ADAM18: variants seen among roughly 807,000 people sequenced by gnomAD.
ADAM18 encodes ADAM metallopeptidase domain 18.
A neutral mutation model predicts 94.4 loss-of-function variants in ADAM18; 117 were observed. The observed-to-expected ratio is 1.24, with a 90% CI of 1.07 to 1.45. The LOEUF (loss-of-function observed/expected upper bound fraction) is 1.45, where lower values mean the gene tolerates loss of function less well. Among genes scored for constraint, ADAM18 ranks in the 40% most tolerant of loss-of-function variants. The probability of loss-of-function intolerance (pLI) is 0.00; values close to 1 mark genes in which losing one functional copy is unlikely to be tolerated. For missense variants in ADAM18, 936 were observed against 880.0 expected, an observed-to-expected ratio of 1.06 and a Z score of -0.81; for synonymous variants, 327 against 291.6, an observed-to-expected ratio of 1.12 and a Z score of -1.24.
At chr8:39,682,468 C>T (rs1403500252) in intron 16 of ADAM18, among the ~76,000 whole-genome samples, 1 of 152,032 alleles carries the variant, frequency 6.6e-6, no homozygotes, top group Non-Finnish European at 1.5e-5. Context: ...GCTACCTTTC[C>T]TGAAAAAGGA....
intron 6 of ADAM18, among the ~76,000 whole-genome samples, chr8:39,616,475 C>T (rs1181798174): frequency 6.6e-6 from 1 of 152,104 alleles, no homozygotes; most frequent in Non-Finnish European, 1.5e-5. Flanking sequence ...AATGCTATTC[C>T]TATCAAACAA....
At chr8:39,723,717 C>A in intron 18 of ADAM18, 31 bp from the exon 19 acceptor site, 1 of 1,383,906 alleles carries the variant, frequency 7.2e-7, no homozygotes, top group Non-Finnish European at 9.6e-7. Flanking sequence ...CCACTGAGTC[C>A]CCACTAATTT....
chr8:39,645,112 C>A (rs1045655656), intron 10 of ADAM18, among the ~76,000 whole-genome samples: 1 of 152,006 alleles, frequency 6.6e-6, no homozygotes. Context: ...AGAATTTTGG[C>A]GTGCAAAATT....
intron 6 of ADAM18, among the ~76,000 whole-genome samples, chr8:39,625,587 G>A (rs1183493793): frequency 6.6e-6 from 1 of 152,044 alleles, no homozygotes; most frequent in Non-Finnish European, 1.5e-5. Context: ...AATAGAAGTA[G>A]TGAAAGTATC....
chr8:39,712,922 A>C (rs976590884), intron 18 of ADAM18, among the ~76,000 whole-genome samples: 1 of 152,208 alleles, frequency 6.6e-6, no homozygotes, highest in Non-Finnish European at 1.5e-5. Flanking sequence ...GTTTCTTCAC[A>C]GAATTGGAAA....
At chr8:39,622,019 A>G (rs1208180261) in intron 6 of ADAM18, among the ~76,000 whole-genome samples, 1 of 152,160 alleles carries the variant, frequency 6.6e-6, no homozygotes, top group African/African-American at 2.4e-5. Context: ...GCAGCAAACC[A>G]CCATGGCACA....
chr8:39,606,443 A>G (rs941602422), intron 3 of ADAM18, 81 bp downstream of exon 3: 9 of 882,528 alleles, frequency 1.0e-5, no homozygotes, highest in Non-Finnish European at 1.4e-5. Flanking sequence ...TTTGTGCAGT[A>G]TTTAAATTCA....
chr8:39,638,088 T>G (rs950025209), intron 9 of ADAM18, among the ~76,000 whole-genome samples: 1 of 151,860 alleles, frequency 6.6e-6, no homozygotes, highest in African/African-American at 2.4e-5. Context: ...GGGTTTTTTT[T>G]AATATTTAAT....
chr8:39,586,245 G>A (rs1818387796), intron 2 of ADAM18, among the ~76,000 whole-genome samples: 1 of 152,118 alleles, frequency 6.6e-6, no homozygotes, highest in African/African-American at 2.4e-5. Context: ...TTTTAGAGAA[G>A]TTGGAAAGGA....
intron 2 of ADAM18, among the ~76,000 whole-genome samples, chr8:39,587,673 TGAACTCAAGTGATACACCA>T (rs1385526391): frequency 3.3e-5 from 5 of 152,272 alleles, no homozygotes; most frequent in African/African-American, 1.2e-4. Context: ...CTTGAACTCC[TGAACTCAAGTGATACACCA>T]GACTCGGCCT....
chr8:39,617,303 C>T (rs1819471087), intron 6 of ADAM18, among the ~76,000 whole-genome samples: 1 of 152,140 alleles, frequency 6.6e-6, no homozygotes, highest in Non-Finnish European at 1.5e-5. Context: ...GATACCATTC[C>T]ACACCAGTTA....
intron 18 of ADAM18, 91 bp downstream of exon 18, chr8:39,706,995 C>A: frequency 1.4e-6 from 1 of 699,884 alleles, no homozygotes; most frequent in Non-Finnish European, 2.4e-6. Flanking sequence ...ATGGTAGCTT[C>A]ATCTACATTG....
At position 39,609,060 on chromosome 8, in the gene ADAM18, C is replaced by G; in HGVS notation, c.207C>G (p.Asn69Lys). 6.3e-7 allele frequency: 1 copy of G among 1,582,174 alleles called. No individual in the cohort carries two copies. Among genetic ancestry groups the G allele is most frequent in the Non-Finnish European group, 8.6e-7 (1 of 1,163,372 alleles). The part of the protein sequence containing the change: ...HLGKQSFLPQ[N>K]FLVYTYNETG... ...TTTTTAGATCATTCTTACCCCAGAA[C>G]TTTTTGGTTTATACATATAATGAAA... is the stretch of plus-strand genomic sequence containing the variant. Residue 69 changes from asparagine (N) to lysine (K), a missense_variant, in exon 4 of 20, where the codon AAC (asparagine) becomes AAG (lysine). Physicochemically the swap from Asn to Lys is moderately conservative, Grantham distance 94. Transcript: ENST00000265707.
At chr8:39,724,429 T>C (rs1265385273) in intron 19 of ADAM18, among the ~76,000 whole-genome samples, 3 of 151,912 alleles carry the variant, frequency 2.0e-5, no homozygotes, top group African/African-American at 7.2e-5. Flanking sequence ...TTATTCCTAA[T>C]TTTGTTTATT....
chr8:39,668,149 G>A lies in ADAM18; in HGVS notation c.1478G>A (p.Gly493Glu). ...TTGGGAACTGCCTATTGCTATAACG[G>A]ACAATGTCAAACTACTGATAACCAG... ...CKLGTAYCYN[G>E]QCQTTDNQCA... Residue 493 changes from glycine to glutamate, a missense_variant, in exon 14 of 20, where the codon GGA (glycine) becomes GAA (glutamate). By Grantham distance (98) the Gly-to-Glu change is moderately conservative (BLOSUM62 -2). Transcript: ENST00000265707. The A allele has an allele frequency of 6.2e-7, 1 of 1,614,020 alleles. No individual in the cohort carries two copies. The highest frequency in any genetic ancestry group is 8.5e-7 in the Non-Finnish European group (1 of 1,179,966).
intron 6 of ADAM18, among the ~76,000 whole-genome samples, chr8:39,615,928 G>C (rs1819425770): frequency 6.6e-6 from 1 of 152,044 alleles, no homozygotes; most frequent in Non-Finnish European, 1.5e-5. Flanking sequence ...ACCAAACTGA[G>C]GGGCAAATCA....
chr8:39,683,917 A>G (rs1368369377), intron 16 of ADAM18, among the ~76,000 whole-genome samples: 1 of 152,184 alleles, frequency 6.6e-6, no homozygotes, highest in African/African-American at 2.4e-5. Context: ...TGGGAGGATC[A>G]GTTGAGCTCA....
chr8:39,649,908 T>A (rs527478062), intron 12 of ADAM18, among the ~76,000 whole-genome samples: 16 of 152,322 alleles, frequency 1.1e-4, no homozygotes, highest in Non-Finnish European at 1.8e-4. Flanking sequence ...GCCCGCCTCT[T>A]CTTGTAAATG....
At position 39,584,578 on chromosome 8, in the gene ADAM18, A is replaced by G. The variant is rs1055471800; in HGVS notation, c.-45A>G. 1.2e-6 allele frequency: 2 copies of G among 1,607,784 alleles called. No homozygotes were observed. Among genetic ancestry groups the G allele is most frequent in the Non-Finnish European group, 8.5e-7 (1 of 1,178,782 alleles). The stretch of plus-strand genomic sequence containing the variant: ...CCTGCCCGCGAGCTCAACGCTGCTC[A>G]ACGGTCTCTGTCCTTGGCTGTGGCT... On this transcript the variant is annotated 5_prime_UTR_variant, in exon 1 of 20. Transcript: ENST00000265707.
Sources: allele counts gnomAD v4.1 joint callset (sites outside exome capture counted in the v4.1 genomes callset), GRCh38; gene constraint gnomAD v4.1.1; transcripts MANE v1.5; gene names NCBI Gene and HGNC (gene_info 2026-07-23, HGNC 2026-07-21).